PHACTR2: variants seen among roughly 807,000 people sequenced by gnomAD.
The protein encoded by PHACTR2 is chromosome 6 open reading frame 56.
A neutral mutation model predicts 76.0 loss-of-function variants in PHACTR2; 30 were observed. The ratio of observed to expected loss-of-function variants is 0.39; its 90% CI spans 0.30 to 0.54. The LOEUF is 0.54. Among genes scored for constraint, PHACTR2 ranks in the 20% least tolerant of loss-of-function variants. The pLI is 0.61. For synonymous variants in PHACTR2, 292 were observed against 292.5 expected, an observed-to-expected ratio of 1.00 and a Z score of 0.02; for missense variants, 696 against 781.1, an observed-to-expected ratio of 0.89 and a Z score of 1.30.
chr6:143,741,241 G>A (rs1778934588), intron 2 of PHACTR2, among the ~76,000 whole-genome samples: 19 of 151,320 alleles, frequency 1.3e-4, no homozygotes, highest in Admixed American at 1.3e-3. Context: ...GCCAGTCATG[G>A]TGGCGCACGC....
chr6:143,604,785 G>A (rs544088313), upstream of PHACTR2, among the ~76,000 whole-genome samples: 3 of 151,736 alleles, frequency 2.0e-5, no homozygotes, highest in South Asian at 2.1e-4. Flanking sequence ...CCAGCTACTC[G>A]CGAGGCTGAG....
Position 143,760,328 on chromosome 6 carries a change from T to C in PHACTR2, c.455-73T>C. 1 of 1,381,152 alleles carries C rather than the reference T, an allele frequency of 7.2e-7. No homozygotes were observed. Among genetic ancestry groups the C allele is most frequent in the Non-Finnish European group, 1.0e-6 (1 of 1,003,264 alleles). 85.6% of individuals were successfully genotyped at this position (1,381,152 alleles called of 1,614,324 possible). Reference sequence around the variant, plus strand: ...GCAGACACGCTTTGTGTCACTATCGTCATGTCTTGCTCCTTGTGTTTATAT... The same window carrying C: ...GCAGACACGCTTTGTGTCACTATCGCCATGTCTTGCTCCTTGTGTTTATAT... On this transcript the variant is annotated intron_variant, in intron 4 of 12. Coordinates refer to ENST00000440869, the MANE Select transcript of PHACTR2 (RefSeq NM_001100164.2). The surrounding 1 kb of genome is among the most constrained non-coding windows in gnomAD (Gnocchi z 6.4).
At chr6:143,778,467 T>G (rs2128476834) in intron 9 of PHACTR2, among the ~76,000 whole-genome samples, 1 of 148,450 alleles carries the variant, frequency 6.7e-6, no homozygotes, top group South Asian at 2.1e-4. Flanking sequence ...GAATGCTTTT[T>G]TCTGGCTTTT....
rs7356827 is a variant in PHACTR2 at position 143,547,833 on chromosome 6, G to T, written c.217+10626G>T. Among the ~76,000 whole-genome samples, 3,340 of 152,068 alleles carry T rather than the reference G, an allele frequency of 0.022. 130 individuals are homozygous for T. Among genetic ancestry groups the T allele is most frequent in the African/African-American group, 0.076 (3,171 of 41,462 alleles). ...AGGGCACTCTCTTTTTGTTTCCAGG[G>T]ATTGATCTAACTCTCTCTTGCCCGC... On this transcript the variant is annotated intron_variant, in intron 1 of 11. Transcript: ENST00000367584. The surrounding 1 kb of genome is among the most constrained non-coding windows in gnomAD (Gnocchi z 4.2).
chr6:143,634,835 C>T (rs1489328337), intron 1 of PHACTR2, among the ~76,000 whole-genome samples: 2 of 152,154 alleles, frequency 1.3e-5, no homozygotes, highest in East Asian at 1.9e-4. Flanking sequence ...AAAACCTGGC[C>T]TTGCCTTCAT....
chr6:143,736,661 G>A (rs759109264), intron 2 of PHACTR2, among the ~76,000 whole-genome samples: 9 of 125,442 alleles, frequency 7.2e-5, no homozygotes, highest in Non-Finnish European at 1.1e-4. Context: ...TGCAAGCCCC[G>A]CCTCCCAGGT....
At chr6:143,770,177 G>A (rs1418115584) in intron 6 of PHACTR2, among the ~76,000 whole-genome samples, 1 of 152,178 alleles carries the variant, frequency 6.6e-6, no homozygotes, top group Admixed American at 6.5e-5. Flanking sequence ...TAAAAAGGAA[G>A]CAGATTCTCA....
intron 1 of PHACTR2, among the ~76,000 whole-genome samples, chr6:143,574,972 A>G (rs1450106862): frequency 6.6e-6 from 1 of 152,240 alleles, no homozygotes; most frequent in Non-Finnish European, 1.5e-5. Context: ...TTATCTATAC[A>G]GAATTCCTAG....
rs575923181 is a variant in PHACTR2, at chr6:143,821,803, C to A, written c.1923-1871C>A. Among the ~76,000 whole-genome samples, 2 of 152,164 alleles carry A rather than the reference C, an allele frequency of 1.3e-5. No individual in the cohort carries two copies. Among genetic ancestry groups the A allele is most frequent in the Non-Finnish European group, 2.9e-5 (2 of 68,036 alleles). ...TGCAGGAGTTTGAGAACAGCCTGAG[C>A]AACATAGCAAAACCCCATTTCTACT... On this transcript the variant is annotated intron_variant, in intron 12 of 12. Coordinates refer to ENST00000440869, the MANE Select transcript of PHACTR2 (RefSeq NM_001100164.2). This position sits in a 1 kb window ranked among gnomAD's most constrained non-coding sequence, Gnocchi z 5.2.
chr6:143,737,893 T>C (rs1346326699), intron 2 of PHACTR2, among the ~76,000 whole-genome samples: 1 of 152,150 alleles, frequency 6.6e-6, no homozygotes, highest in Non-Finnish European at 1.5e-5. Flanking sequence ...AGATGGTAGG[T>C]AGTGGACAGA....
At chr6:143,713,108 A>G (rs534383161) in intron 2 of PHACTR2, among the ~76,000 whole-genome samples, 1 of 152,330 alleles carries the variant, frequency 6.6e-6, no homozygotes, top group Non-Finnish European at 1.5e-5. Context: ...AGCATATCTT[A>G]TTGGTCTGTA....
rs1777157346 is a variant in PHACTR2 at position 143,671,771 on chromosome 6, A to G, written c.14-40245A>G. 6.6e-6 allele frequency among the ~76,000 whole-genome samples: 1 copy of G among 152,252 alleles called. No homozygotes were observed. The highest frequency in any genetic ancestry group is 2.4e-5 in the African/African-American group (1 of 41,470). ...AGAACTAGCATATATGTAACACAAT[A>G]TAGACCCAAAGTCTTTTCATGGAGC... On this transcript the variant is annotated intron_variant, in intron 1 of 11. Coordinates refer to the PHACTR2 transcript ENST00000305766. The surrounding 1 kb of genome is among the most constrained non-coding windows in gnomAD (Gnocchi z 4.6).
Position 143,695,967 on chromosome 6 carries a change from C to T in PHACTR2, c.47-16049C>T, listed in dbSNP as rs545756281. ...ATCAGTTTCACCTTGATTTACTAAG[C>T]GTTGTATTAATCAAGTAAGCAACTG... is the stretch of plus-strand genomic sequence containing the variant. On this transcript the variant is annotated intron_variant, in intron 1 of 12. Coordinates refer to ENST00000440869, the MANE Select transcript of PHACTR2 (RefSeq NM_001100164.2). This position sits in a 1 kb window ranked among gnomAD's most constrained non-coding sequence, Gnocchi z 4.4. Among the ~76,000 whole-genome samples, 8 of 152,270 alleles carry T rather than the reference C, an allele frequency of 5.3e-5. No homozygotes were observed. The highest frequency in any genetic ancestry group is 8.8e-5 in the Non-Finnish European group (6 of 68,026).
chr6:143,793,498 A>G lies in PHACTR2; in HGVS notation c.1845+4588A>G, dbSNP rs913238393. Among the ~76,000 whole-genome samples the G allele has an allele frequency of 6.6e-5, 10 of 151,994 alleles. No homozygotes were observed. The highest frequency in any genetic ancestry group is 1.0e-4 in the Non-Finnish European group (7 of 67,990). ...TTTTCTCCCTCTGACAGTATCTCTC[A>G]CATTTCTCCTGAGGCTTTTTAAAGT... On this transcript the variant is annotated intron_variant, in intron 11 of 12. Transcript: ENST00000440869. This position sits in a 1 kb window ranked among gnomAD's most constrained non-coding sequence, Gnocchi z 4.4.
chr6:143,574,205 C>T (rs1775480819), intron 1 of PHACTR2, among the ~76,000 whole-genome samples: 1 of 152,212 alleles, frequency 6.6e-6, no homozygotes, highest in Non-Finnish European at 1.5e-5. Context: ...TCACTGTGGG[C>T]TTCCTCAGCG....
intron 1 of PHACTR2, among the ~76,000 whole-genome samples, chr6:143,560,246 T>C (rs779277874): frequency 6.6e-5 from 10 of 152,200 alleles, no homozygotes; most frequent in Non-Finnish European, 1.2e-4. Context: ...CAGAAAGGAT[T>C]TTGAAGAAAA....
In PHACTR2 at chr6:143,589,253, G is replaced by T. The variant is rs1052245425; in HGVS notation, c.217+52046G>T. On this transcript the variant is annotated intron_variant, in intron 1 of 11. Coordinates refer to the PHACTR2 transcript ENST00000367584. This position sits in a 1 kb window ranked among gnomAD's most constrained non-coding sequence, Gnocchi z 4.4. ...ATCTCCAGTGTTGGAGGAGGGGTCT[G>T]GTGGGAGGTGATTGGATCATGGGGG... 6.6e-6 allele frequency among the ~76,000 whole-genome samples: 1 copy of T among 152,184 alleles called. No homozygotes were observed. The highest frequency in any genetic ancestry group is 2.4e-5 in the African/African-American group (1 of 41,450).
rs1307784118 is a variant in PHACTR2 at position 143,830,376 on chromosome 6, T to C, written c.*6687T>C. 6.6e-6 allele frequency: 1 copy of C among 151,556 alleles called. No individual in the cohort carries two copies. Among genetic ancestry groups the C allele is most frequent in the African/African-American group, 2.4e-5 (1 of 41,296 alleles). 9.4% of individuals were successfully genotyped at this position (151,556 alleles called of 1,614,324 possible). ...CACACTTCAGTTAAAGTGATAACAA[T>C]GGTAAACTGTGATCATTATCAGACT... On this transcript the variant is annotated 3_prime_UTR_variant, in exon 13 of 13. Transcript: ENST00000440869.
upstream of PHACTR2, chr6:143,608,118 G>T (rs1775908106): frequency 3.2e-6 from 2 of 634,124 alleles, no homozygotes; most frequent in Middle Eastern, 8.3e-4. The surrounding 1 kb of genome is among the most constrained non-coding windows in gnomAD (Gnocchi z 4.6). Flanking sequence ...AGCCTGTAAT[G>T]GAGCTAATGG....
Sources: gnomAD v4.1 joint callset for allele counts (sites outside exome capture counted in the v4.1 genomes callset) on GRCh38, gnomAD v4.1.1 for gene constraint, Gnocchi (gnomAD v3.1) non-coding constraint, MANE v1.5 for transcripts, NCBI Gene and HGNC (gene_info 2026-07-23, HGNC 2026-07-21) for gene names.